The following CNGA3 variants were observed in gnomAD, a reference collection of about 807,000 sequenced individuals.
CNGA3 encodes cyclic nucleotide-gated channel alpha-3.
Under a neutral mutation model 46.6 loss-of-function variants are expected in CNGA3, and 42 were observed. That is an observed-to-expected ratio of 0.90 (90% CI 0.70 to 1.17). The LOEUF (loss-of-function observed/expected upper bound fraction) is 1.17, where lower values mean the gene tolerates loss of function less well. Among genes scored for constraint, CNGA3 ranks in the 50% most tolerant of loss-of-function variants. CNGA3 has a pLI of 0.00. For missense variants in CNGA3, 893 were observed against 890.7 expected, an observed-to-expected ratio of 1.00 and a Z score of -0.03; for synonymous variants, 394 against 369.4, an observed-to-expected ratio of 1.07 and a Z score of -0.76.
Position 98,377,810 on chromosome 2 carries a change from C to T in CNGA3, c.215+10C>T, listed in dbSNP as rs1401326236. 8.7e-6 allele frequency: 14 copies of T among 1,605,380 alleles called. No individual in the cohort carries two copies. Among genetic ancestry groups the T allele is most frequent in the Non-Finnish European group, 1.2e-5 (14 of 1,176,420 alleles). On this transcript the variant is annotated intron_variant, in intron 3 of 7. Transcript: ENST00000272602. ...GCCAGGGGATCGCCAGGTAACTGACCAGCCTCAGTCCCTACCTTGGCCTGG... is the reference window on the plus strand; with the variant it reads ...GCCAGGGGATCGCCAGGTAACTGACTAGCCTCAGTCCCTACCTTGGCCTGG...
intron 2 of CNGA3, among the ~76,000 whole-genome samples, chr2:98,372,682 G>A (rs955315024): frequency 2.6e-5 from 4 of 152,104 alleles, no homozygotes; most frequent in Admixed American, 6.5e-5. Context: ...CTAGGGTTGT[G>A]GTGAGGTTAC....
rs972976103 is a variant in CNGA3 at position 98,377,806 on chromosome 2, T to A, written c.215+6T>A. 7.5e-6 allele frequency: 12 copies of A among 1,607,912 alleles called. No individual in the cohort carries two copies. In the Admixed American group the frequency reaches 1.7e-4, roughly 22 times the overall value. ...ACCGGCCAGGGGATCGCCAGGTAAC[T>A]GACCAGCCTCAGTCCCTACCTTGGC... On this transcript the variant is annotated splice_donor_region_variant and intron_variant, in intron 3 of 7. Transcript: ENST00000272602.
At chr2:98,389,345 C>T (rs1027545488) in intron 5 of CNGA3, among the ~76,000 whole-genome samples, 1 of 152,196 alleles carries the variant, frequency 6.6e-6, no homozygotes. Flanking sequence ...TGCCATGCTG[C>T]GTTTTCATTC....
At chr2:98,352,428 A>C (rs1249255869) in intron 1 of CNGA3, among the ~76,000 whole-genome samples, 2 of 152,090 alleles carry the variant, frequency 1.3e-5, no homozygotes, top group Non-Finnish European at 2.9e-5. Context: ...TCACATGGTA[A>C]CTCATGTTTA....
intron 1 of CNGA3, among the ~76,000 whole-genome samples, chr2:98,366,614 C>T (rs1692158434): frequency 6.6e-6 from 1 of 152,220 alleles, no homozygotes; most frequent in African/African-American, 2.4e-5. Flanking sequence ...GGAGGCCCTG[C>T]CTGGTGAGGA....
chr2:98,383,894 T>G (rs1056273085), intron 5 of CNGA3, among the ~76,000 whole-genome samples: 6 of 152,108 alleles, frequency 3.9e-5, no homozygotes, highest in Non-Finnish European at 2.9e-5. Context: ...GTTGTTTGTT[T>G]GTTTGTTTTT....
At chr2:98,376,296 C>A (rs1233631274) in intron 2 of CNGA3, among the ~76,000 whole-genome samples, 1 of 152,026 alleles carries the variant, frequency 6.6e-6, no homozygotes, top group Non-Finnish European at 1.5e-5. Flanking sequence ...GGAACTTGCT[C>A]ACAGGAGAAG....
At chr2:98,370,540 G>A (rs930945869) in intron 2 of CNGA3, among the ~76,000 whole-genome samples, 17 of 152,202 alleles carry the variant, frequency 1.1e-4, no homozygotes, top group Admixed American at 6.5e-5. Flanking sequence ...GGCAGGCCAT[G>A]CCCAGGGCCT....
intron 1 of CNGA3, among the ~76,000 whole-genome samples, chr2:98,360,700 G>A (rs939057012): frequency 1.3e-5 from 2 of 152,280 alleles, no homozygotes; most frequent in Non-Finnish European, 2.9e-5. Flanking sequence ...ATGAGGCCGG[G>A]GGGAGGTGGG....
At chr2:98,380,068 G>A (rs1692501134) in intron 3 of CNGA3, 107 bp from the exon 4 acceptor site, 2 of 1,331,934 alleles carry the variant, frequency 1.5e-6, no homozygotes, top group African/African-American at 2.9e-5. Context: ...CCCATCCCTT[G>A]AGACAGACAG....
rs374507358 is a variant in CNGA3 at position 98,380,200 on chromosome 2, C to A, written c.241C>A (p.Arg81Ser). 4.3e-6 allele frequency: 7 copies of A among 1,614,100 alleles called. No homozygotes were observed. The highest frequency in any genetic ancestry group is 5.1e-6 in the Non-Finnish European group (6 of 1,180,054). Residue 81 changes from arginine (R) to serine (S), a missense_variant, in exon 4 of 8, where the codon CGC becomes AGC. Coordinates refer to ENST00000272602, the MANE Select transcript of CNGA3 (RefSeq NM_001298.3). ...ARLSRLIFLL[R>S]RWAARHVHHQ... The stretch of plus-strand genomic sequence containing the variant: ...GCTGTCGCGCCTCATCTTCTTGCTG[C>A]GCAGGTGGGCTGCCAGGCATGTGCA...
At chr2:98,362,897 A>C (rs1037512367) in intron 1 of CNGA3, among the ~76,000 whole-genome samples, 18 of 152,174 alleles carry the variant, frequency 1.2e-4, no homozygotes, top group African/African-American at 3.9e-4. Context: ...AGCACCATTT[A>C]TTAAATAGGG....
intron 1 of CNGA3, among the ~76,000 whole-genome samples, chr2:98,346,761 C>T (rs1691634216): frequency 1.3e-5 from 2 of 152,118 alleles, no homozygotes; most frequent in Admixed American, 6.5e-5. Context: ...GCTCCCACTC[C>T]CCGGCTCCCA....
At chr2:98,355,223 ACTTTTGCATATT>A (rs1220686281) in intron 1 of CNGA3, among the ~76,000 whole-genome samples, 1 of 152,178 alleles carries the variant, frequency 6.6e-6, no homozygotes, top group Admixed American at 6.5e-5. Flanking sequence ...TTTGTTGAGA[ACTTTTGCATATT>A]AATCTGAGTT....
In CNGA3 at chr2:98,363,126, G is replaced by T. The variant is rs183876990; in HGVS notation, c.-37-6813G>T. On this transcript the variant is annotated intron_variant, in intron 1 of 7. Coordinates refer to ENST00000272602, the MANE Select transcript of CNGA3 (RefSeq NM_001298.3). ...GTTCTTTTTGTTTAGGATTGTCTTG[G>T]CTATACAAGCTCTTTTTGGTTTCCA... Among the ~76,000 whole-genome samples, 73 of 152,278 alleles carry T rather than the reference G, an allele frequency of 4.8e-4. 1 individual carries two copies. The East Asian group carries it at 0.013, about 27-fold the overall frequency.
intron 1 of CNGA3, among the ~76,000 whole-genome samples, chr2:98,369,499 T>C (rs1692237268): frequency 6.6e-6 from 1 of 152,218 alleles, no homozygotes; most frequent in Middle Eastern, 3.2e-3. Flanking sequence ...TTTTTTTACA[T>C]GTTGTCTTAA....
At chr2:98,383,478 C>T in intron 5 of CNGA3, 37 bp downstream of exon 5, 1 of 1,610,042 alleles carries the variant, frequency 6.2e-7, no homozygotes, top group Non-Finnish European at 8.5e-7. Flanking sequence ...CCTCCCCAAG[C>T]CCGGTGCCCT....
At position 98,394,237 on chromosome 2, in the gene CNGA3, C is replaced by T. The variant is rs563798948; in HGVS notation, c.674-1607C>T. Among the ~76,000 whole-genome samples the T allele has an allele frequency of 3.3e-5, 5 of 152,254 alleles. No homozygotes were observed. In the East Asian group the frequency reaches 9.6e-4, roughly 29 times the overall value. ...AAACAAAAAAGAATGCAGGTCATGG[C>T]CTCCTTAATTGATTTCACCCATCAT... On this transcript the variant is annotated intron_variant, in intron 7 of 7. Coordinates refer to ENST00000272602, the MANE Select transcript of CNGA3 (RefSeq NM_001298.3).
At chr2:98,371,608 C>G (rs1465913323) in intron 2 of CNGA3, among the ~76,000 whole-genome samples, 1 of 152,180 alleles carries the variant, frequency 6.6e-6, no homozygotes. Context: ...TGTGATATGG[C>G]TTCAGAGGCA....
Sources: gnomAD v4.1 joint callset for allele counts (sites outside exome capture counted in the v4.1 genomes callset) on GRCh38, gnomAD v4.1.1 for gene constraint, MANE v1.5 for transcripts, NCBI Gene and HGNC (gene_info 2026-07-23, HGNC 2026-07-21) for gene names.